ZC3H11C: variants seen among roughly 807,000 people sequenced by gnomAD.
The protein encoded by ZC3H11C is zinc finger CCCH domain-containing protein 11C.
chr6:65,301,560 C>T, the ZC3H11C span, among the ~76,000 whole-genome samples: 16 of 152,296 alleles, frequency 1.1e-4, no homozygotes, highest in Admixed American at 1.0e-3. Context: ...TGGCAGCAAG[C>T]GGGAGTCGGG....
chr6:65,305,349 C>T, the ZC3H11C span, among the ~76,000 whole-genome samples: 39 of 152,080 alleles, frequency 2.6e-4, 1 homozygote, highest in African/African-American at 8.9e-4. Flanking sequence ...TTAATATTAC[C>T]TGAGTTTGAA....
the ZC3H11C span, among the ~76,000 whole-genome samples, chr6:65,301,940 A>T: frequency 8.5e-5 from 13 of 152,370 alleles, no homozygotes; most frequent in East Asian, 2.3e-3. Context: ...TTCCTGGAAA[A>T]TTGACTAGTA....
the ZC3H11C span, among the ~76,000 whole-genome samples, chr6:65,301,947 A>G: frequency 1.3e-5 from 2 of 152,270 alleles, no homozygotes; most frequent in Non-Finnish European, 2.9e-5. Context: ...AAAATTGACT[A>G]GTATTAAGTG....
the ZC3H11C span, chr6:65,302,439 C>G: frequency 7.9e-6 from 5 of 632,288 alleles, no homozygotes; most frequent in South Asian, 3.9e-5. Flanking sequence ...ACCCATTTCA[C>G]GAGGACTTGG....
At chr6:65,302,228 C>T in the ZC3H11C span, among the ~76,000 whole-genome samples, 1 of 152,136 alleles carries the variant, frequency 6.6e-6, no homozygotes, top group East Asian at 1.9e-4. Context: ...TGAATTGTGG[C>T]TGAGAGGTTT....
At chr6:65,306,312 C>T in the ZC3H11C span, among the ~76,000 whole-genome samples, 2 of 152,218 alleles carry the variant, frequency 1.3e-5, no homozygotes, top group Admixed American at 1.3e-4. Context: ...ACAGGACTGC[C>T]CATTCAGTCT....
chr6:65,302,314 CA>C, the ZC3H11C span, among the ~76,000 whole-genome samples: 1 of 152,170 alleles, frequency 6.6e-6, no homozygotes, highest in African/African-American at 2.4e-5. Flanking sequence ...GTTCGACCTA[CA>C]GGCGTAATAG....
chr6:65,301,833 TCCAGG>T, the ZC3H11C span, among the ~76,000 whole-genome samples: 1 of 152,214 alleles, frequency 6.6e-6, no homozygotes, highest in Admixed American at 6.5e-5. Context: ...GTTGACATCT[TCCAGG>T]CCATCTCAAG....
the ZC3H11C span, among the ~76,000 whole-genome samples, chr6:65,301,613 T>G: frequency 6.6e-6 from 1 of 152,218 alleles, no homozygotes. Context: ...GGAGCTTGTC[T>G]CAAACTCCAC....
the ZC3H11C span, chr6:65,303,455 G>C: frequency 1.2e-6 from 2 of 1,611,510 alleles, no homozygotes; most frequent in Non-Finnish European, 8.5e-7. Flanking sequence ...GAAGAAAGTT[G>C]AAGCTCCAGA....
At chr6:65,302,003 A>ATT in the ZC3H11C span, among the ~76,000 whole-genome samples, 40 of 152,238 alleles carry the variant, frequency 2.6e-4, no homozygotes, top group Admixed American at 2.1e-3. Flanking sequence ...TGAAAAACTG[A>ATT]TTTTTTTTGT....
chr6:65,302,115 T>G, the ZC3H11C span, among the ~76,000 whole-genome samples: 1 of 152,270 alleles, frequency 6.6e-6, no homozygotes, highest in Admixed American at 6.5e-5. Flanking sequence ...GTTTTGTTTT[T>G]GAGGAGATAA....
At chr6:65,304,106 G>A in the ZC3H11C span, 1 of 730,866 alleles carries the variant, frequency 1.4e-6, no homozygotes, top group East Asian at 2.6e-5. Context: ...AGGAAATGAA[G>A]TTGATTTTCT....
the ZC3H11C span, among the ~76,000 whole-genome samples, chr6:65,306,211 T>A: frequency 2.0e-5 from 3 of 152,244 alleles, no homozygotes; most frequent in Non-Finnish European, 4.4e-5. Flanking sequence ...CCACCTGTCA[T>A]GTTGGCTCCT....
chr6:65,305,158 T>C, the ZC3H11C span, among the ~76,000 whole-genome samples: 1 of 150,722 alleles, frequency 6.6e-6, no homozygotes, highest in Non-Finnish European at 1.5e-5. Flanking sequence ...TTTGTCCATT[T>C]GATGCCATTG....
the ZC3H11C span, among the ~76,000 whole-genome samples, chr6:65,305,422 C>T: frequency 6.6e-6 from 1 of 152,092 alleles, no homozygotes; most frequent in Non-Finnish European, 1.5e-5. Flanking sequence ...ACAAAAATAC[C>T]CACTCAGTCT....
At chr6:65,302,726 G>C in the ZC3H11C span, 2 of 1,601,712 alleles carry the variant, frequency 1.2e-6, no homozygotes, top group African/African-American at 1.3e-5. Flanking sequence ...TTGTTATTGG[G>C]AAAATCAGCC....
chr6:65,302,971 C>G, the ZC3H11C span: 1 of 1,570,982 alleles, frequency 6.4e-7, no homozygotes, highest in Non-Finnish European at 8.8e-7. Flanking sequence ...TTCCTAGCCC[C>G]AAGCATCCAC....
At chr6:65,305,278 T>C in the ZC3H11C span, among the ~76,000 whole-genome samples, 2 of 152,230 alleles carry the variant, frequency 1.3e-5, no homozygotes, top group South Asian at 4.1e-4. Context: ...CTCCTTGAGG[T>C]GTTTGTCAGT....
Sources: allele counts gnomAD v4.1 joint callset (sites outside exome capture counted in the v4.1 genomes callset), GRCh38; gene constraint gnomAD v4.1.1; transcripts MANE v1.5; gene names NCBI Gene and HGNC (gene_info 2026-07-23, HGNC 2026-07-21).